Variants in AKAP19 observed in about 807,000 individuals in gnomAD.
AKAP19 encodes the protein small A-kinase anchoring protein.
chr2:190,038,136 G>C, the AKAP19 span, among the ~76,000 whole-genome samples: 2 of 152,292 alleles, frequency 1.3e-5, no homozygotes, highest in Admixed American at 6.5e-5. Flanking sequence ...TGGGCTCCCT[G>C]TTGACTGAGT....
chr2:190,177,680 C>G, the AKAP19 span, among the ~76,000 whole-genome samples: 1 of 152,202 alleles, frequency 6.6e-6, no homozygotes, highest in South Asian at 2.1e-4. This position sits in a 1 kb window ranked among gnomAD's most constrained non-coding sequence, Gnocchi z 4.6. Flanking sequence ...AGCTATGTAC[C>G]TCTGTGGTCT....
chr2:190,134,879 C>T, the AKAP19 span, among the ~76,000 whole-genome samples: 1 of 151,828 alleles, frequency 6.6e-6, no homozygotes, highest in Non-Finnish European at 1.5e-5. Context: ...TATCAGTGTG[C>T]ATAAATATTT....
At chr2:189,923,811 G>C in the AKAP19 span, 15 of 1,611,734 alleles carry the variant, frequency 9.3e-6, no homozygotes, top group Middle Eastern at 4.9e-4. Context: ...GGCATAAGTG[G>C]CTTCAATTCT....
chr2:190,027,071 G>A, the AKAP19 span, among the ~76,000 whole-genome samples: 5 of 152,108 alleles, frequency 3.3e-5, no homozygotes. Context: ...TTTCATAGCA[G>A]CTTTATTGCA....
the AKAP19 span, among the ~76,000 whole-genome samples, chr2:190,073,830 C>G: frequency 3.3e-5 from 5 of 151,912 alleles, no homozygotes; most frequent in Admixed American, 2.6e-4. Context: ...GGTGATGGAT[C>G]ACCTGAGGTC....
chr2:189,966,787 C>T, the AKAP19 span, among the ~76,000 whole-genome samples: 9 of 152,196 alleles, frequency 5.9e-5, no homozygotes, highest in Non-Finnish European at 1.2e-4. Flanking sequence ...ATTAGTGGAA[C>T]GTGCATAGAG....
the AKAP19 span, among the ~76,000 whole-genome samples, chr2:190,018,852 G>A: frequency 6.6e-6 from 1 of 152,156 alleles, no homozygotes; most frequent in African/African-American, 2.4e-5. Context: ...AAGAACCCTG[G>A]GCAGGCAGAG....
At chr2:189,973,379 G>A in the AKAP19 span, among the ~76,000 whole-genome samples, 1 of 152,036 alleles carries the variant, frequency 6.6e-6, no homozygotes, top group Non-Finnish European at 1.5e-5. Context: ...TGCTGGATTC[G>A]GTTTGCCAGT....
the AKAP19 span, among the ~76,000 whole-genome samples, chr2:189,921,723 T>C: frequency 6.6e-6 from 1 of 152,108 alleles, no homozygotes; most frequent in African/African-American, 2.4e-5. Flanking sequence ...GACCTAGAAT[T>C]AGTTTGAGTA....
the AKAP19 span, among the ~76,000 whole-genome samples, chr2:189,887,552 T>C: frequency 2.0e-5 from 3 of 151,704 alleles, no homozygotes; most frequent in Admixed American, 2.0e-4. Context: ...GAGGAACTGT[T>C]CCACAATGAT....
chr2:189,966,176 G>T, the AKAP19 span, among the ~76,000 whole-genome samples: 1 of 149,486 alleles, frequency 6.7e-6, no homozygotes, highest in Non-Finnish European at 1.5e-5. Context: ...ATGGACTTTG[G>T]GTACCTGGGG....
the AKAP19 span, among the ~76,000 whole-genome samples, chr2:190,008,768 ACACC>A: frequency 0.22 from 12,365 of 56,548 alleles, 594 homozygotes; most frequent in East Asian, 0.41. Context: ...ACACACACAC[ACACC>A]CACCTGGTCT....
the AKAP19 span, among the ~76,000 whole-genome samples, chr2:190,010,962 A>T: frequency 1.3e-5 from 2 of 150,644 alleles, 1 homozygote; most frequent in African/African-American, 4.9e-5. Context: ...ATGTGGCTAT[A>T]TATATATTTT....
At chr2:190,170,131 G>A in the AKAP19 span, among the ~76,000 whole-genome samples, 1 of 152,194 alleles carries the variant, frequency 6.6e-6, no homozygotes, top group Admixed American at 6.5e-5. Context: ...TCTGGTGAGG[G>A]CTGTCAAGGA....
the AKAP19 span, among the ~76,000 whole-genome samples, chr2:189,891,953 T>A: frequency 6.6e-6 from 1 of 151,960 alleles, no homozygotes; most frequent in Non-Finnish European, 1.5e-5. Flanking sequence ...TTTTCTCTAA[T>A]CTTGTCTTCA....
chr2:190,158,916 G>C, the AKAP19 span, among the ~76,000 whole-genome samples: 1 of 152,210 alleles, frequency 6.6e-6, no homozygotes, highest in African/African-American at 2.4e-5. Context: ...TATCCTCAGG[G>C]GAGGCCCAGG....
the AKAP19 span, chr2:190,057,733 T>C: frequency 1.7e-5 from 23 of 1,362,956 alleles, no homozygotes; most frequent in East Asian, 2.3e-5. Flanking sequence ...AATAAACTAA[T>C]AATTTTGCTC....
chr2:189,990,850 C>A, the AKAP19 span, among the ~76,000 whole-genome samples: 1 of 152,018 alleles, frequency 6.6e-6, no homozygotes, highest in African/African-American at 2.4e-5. Flanking sequence ...GTTTTTGATC[C>A]CTCACCATCC....
chr2:189,984,963 GA>G, the AKAP19 span, among the ~76,000 whole-genome samples: 12 of 151,982 alleles, frequency 7.9e-5, no homozygotes, highest in Admixed American at 7.9e-4. Context: ...GAGGAGTGCA[GA>G]CACACCTATG....
Sources: allele counts gnomAD v4.1 joint callset (sites outside exome capture counted in the v4.1 genomes callset), GRCh38; gene constraint gnomAD v4.1.1; non-coding constraint Gnocchi (gnomAD v3.1); transcripts MANE v1.5; gene names NCBI Gene and HGNC (gene_info 2026-07-23, HGNC 2026-07-21).